PTS: variants seen among roughly 807,000 people sequenced by gnomAD.
The protein encoded by PTS is 6-pyruvoyl tetrahydrobiopterin synthase.
In PTS, 23 loss-of-function variants were observed where a neutral mutation model predicts 20.6. That is an observed-to-expected ratio of 1.12 (90% confidence interval 0.80 to 1.58). PTS has a LOEUF of 1.58. Among genes scored for constraint, PTS ranks in the 40% most tolerant of loss-of-function variants. PTS has a pLI of 0.00. For synonymous variants in PTS, 65 were observed against 62.5 expected (o/e 1.04, Z -0.19); for missense variants, 186 against 182.4 (o/e 1.02, Z -0.11).
chr11:112,233,399 A>G, intron 5 of PTS, 33 bp from the exon 6 acceptor site: 2 of 1,578,504 alleles, frequency 1.3e-6, no homozygotes, highest in African/African-American at 1.4e-5. Flanking sequence ...TTGCATTTTG[A>G]ATTTTTTTTG....
intron 4 of PTS, among the ~76,000 whole-genome samples, chr11:112,231,165 T>C (rs1859926377): frequency 6.6e-6 from 1 of 152,114 alleles, no homozygotes; most frequent in Non-Finnish European, 1.5e-5. Flanking sequence ...CATGAGCTAC[T>C]GCTCCTGGCC....
In PTS at chr11:112,232,928, T is replaced by G. The variant is rs1220755614; in HGVS notation, c.244-235T>G. Among the ~76,000 whole-genome samples, 5 of 152,254 alleles carry G rather than the reference T, an allele frequency of 3.3e-5. No homozygotes were observed. The East Asian group carries it at 9.6e-4, about 29-fold the overall frequency. On this transcript the variant is annotated intron_variant, in intron 4 of 5. Coordinates refer to ENST00000280362, the MANE Select transcript of PTS (RefSeq NM_000317.3). ...CTCCAGGAATTCTCTGCTTTTTGGTTTCTCACCTCTTTTTATTCAGTAACA... is the reference window on the plus strand; with the variant it reads ...CTCCAGGAATTCTCTGCTTTTTGGTGTCTCACCTCTTTTTATTCAGTAACA...
chr11:112,228,694 A>C (rs773808952), intron 2 of PTS, 21 bp downstream of exon 2: 2 of 1,588,358 alleles, frequency 1.3e-6, no homozygotes, highest in African/African-American at 1.3e-5. Context: ...AACTGATGAC[A>C]TTTCAGCCCT....
intron 2 of PTS, 57 bp from the exon 3 acceptor site, chr11:112,230,151 G>T: frequency 6.6e-7 from 1 of 1,523,914 alleles, no homozygotes; most frequent in East Asian, 2.2e-5. Flanking sequence ...CTTGTGCTTG[G>T]ATGTTGATCT....
chr11:112,230,799 T>C, intron 4 of PTS, 117 bp downstream of exon 4: 1 of 916,624 alleles, frequency 1.1e-6, no homozygotes, highest in Non-Finnish European at 1.8e-6. Flanking sequence ...TGAATAGAAC[T>C]GGATGTGGGT....
chr11:112,233,296 ATTG>A, intron 5 of PTS, 63 bp downstream of exon 5: 7 of 1,565,098 alleles, frequency 4.5e-6, no homozygotes, highest in Non-Finnish European at 6.2e-6. Context: ...GAATACTTTG[ATTG>A]TTGTGTGATT....
At position 112,231,376 on chromosome 11, in the gene PTS, G is replaced by A. The variant is rs544413155; in HGVS notation, c.243+694G>A. On this transcript the variant is annotated intron_variant, in intron 4 of 5. Coordinates refer to ENST00000280362, the MANE Select transcript of PTS (RefSeq NM_000317.3). ...AATTCTTGCACTGTAAGAGACTTTGGAGATTATTCAGACCAACTTCTTCAA... is the reference window on the plus strand; with the variant it reads ...AATTCTTGCACTGTAAGAGACTTTGAAGATTATTCAGACCAACTTCTTCAA... Among the ~76,000 whole-genome samples the A allele has an allele frequency of 5.3e-5, 8 of 152,290 alleles. No homozygotes were observed. The East Asian group carries it at 1.5e-3, about 29-fold the overall frequency.
chr11:112,227,076 T>C (rs1456959259), intron 1 of PTS, among the ~76,000 whole-genome samples: 1 of 144,078 alleles, frequency 6.9e-6, no homozygotes, highest in Non-Finnish European at 1.5e-5. Flanking sequence ...AAAAAAAAAA[T>C]GAGCCCAGAC....
chr11:112,229,684 G>T (rs1367896722), intron 2 of PTS, among the ~76,000 whole-genome samples: 1 of 152,122 alleles, frequency 6.6e-6, no homozygotes, highest in East Asian at 1.9e-4. Context: ...GAGCCACCAC[G>T]CCTGGCCAAG....
At position 112,228,569 on chromosome 11, in the gene PTS, GA is replaced by G. The variant is rs1348870746; in HGVS notation, c.84-24del. 3.2e-5 allele frequency: 44 copies of G among 1,386,584 alleles called. No homozygotes were observed. The East Asian group carries it at 9.0e-4, about 28-fold the overall frequency. 85.9% of individuals were successfully genotyped at this position (1,386,584 alleles called of 1,614,324 possible). A position where few individuals can be genotyped will look rare whatever the true frequency, so the allele number is the denominator to read the frequency against. On this transcript the variant is annotated intron_variant, in intron 1 of 5. Transcript: ENST00000280362. ...TTGAATGTGATACTTGTGTCATGCT[GA>G]CTTTTTTTTTTTTTTTTGGTCAGTA...
At position 112,226,456 on chromosome 11, in the gene PTS, G is replaced by C; in HGVS notation, c.13G>C (p.Gly5Arg). Residue 5 changes from glycine to arginine, a missense_variant, in exon 1 of 6, where the codon GGT becomes CGT. Coordinates refer to ENST00000280362, the MANE Select transcript of PTS (RefSeq NM_000317.3). The part of the protein sequence containing the change: MSTE[G>R]GGRRCQAQVS... ...CAGCGCCGGGAAGATGAGCACGGAA[G>C]GTGGTGGCCGTCGCTGCCAGGCACA... The C allele has an allele frequency of 1.3e-6, 2 of 1,580,908 alleles. No homozygotes were observed. The highest frequency in any genetic ancestry group is 1.7e-6 in the Non-Finnish European group (2 of 1,165,624).
At chr11:112,233,373 C>T in intron 5 of PTS, 59 bp from the exon 6 acceptor site, 3 of 1,541,542 alleles carry the variant, frequency 1.9e-6, no homozygotes, top group African/African-American at 1.4e-5. Flanking sequence ...AAATATTAAA[C>T]ATGAAATTTT....
Position 112,233,199 on chromosome 11 carries a change from G to A in PTS, c.280G>A (p.Asp94Asn). ...GCAGCCCCTTGATCATAAGAATCTG[G>A]ATATGGATGTGCCATACTTTGCAGA... ...IMQPLDHKNLDMDVPYFADVV... is the reference protein window; with the variant it reads ...IMQPLDHKNLNMDVPYFADVV... The change falls in exon 5 of 6, where the codon GAT (aspartate) becomes AAT (asparagine). Residue 94 changes from aspartate to asparagine, a missense_variant. Physicochemically the swap from Asp to Asn is conservative, Grantham distance 23. Coordinates refer to ENST00000280362, the MANE Select transcript of PTS (RefSeq NM_000317.3). 6.2e-7 allele frequency: 1 copy of A among 1,614,096 alleles called. No homozygotes were observed. Among genetic ancestry groups the A allele is most frequent in the South Asian group, 1.1e-5 (1 of 91,082 alleles).
chr11:112,229,753 G>A (rs1030823671), intron 2 of PTS, among the ~76,000 whole-genome samples: 6 of 152,196 alleles, frequency 3.9e-5, no homozygotes, highest in African/African-American at 7.2e-5. Flanking sequence ...TTTAGACTTT[G>A]TATACATTCA....
rs546534191 is a variant in PTS at position 112,232,662 on chromosome 11, A to G, written c.244-501A>G. On this transcript the variant is annotated intron_variant, in intron 4 of 5. Coordinates refer to ENST00000280362, the MANE Select transcript of PTS (RefSeq NM_000317.3). ...TTTACATATATATATTTTTCCTTCT[A>G]TGAGCCCAAGATCATTCTTAAATTA... 1.2e-4 allele frequency among the ~76,000 whole-genome samples: 18 copies of G among 152,330 alleles called. 1 individual carries two copies. The highest frequency in any genetic ancestry group is 9.8e-4 in the Admixed American group (15 of 15,294).
intron 3 of PTS, 175 bp from the exon 4 acceptor site, chr11:112,230,451 A>G (rs1859915931): frequency 2.5e-6 from 2 of 796,998 alleles, no homozygotes; most frequent in Admixed American, 3.9e-5. Flanking sequence ...ATACAATGAA[A>G]AGGATGCTTG....
chr11:112,233,548 G>A lies in PTS; in HGVS notation c.431G>A (p.Gly144Glu), dbSNP rs1345088119. ...ETDNNIVVYK[G>E]E ...GACAATAATATTGTGGTTTATAAAG[G>A]AGAATAGCTATTGGGGTTAGCATTG... Residue 144 changes from glycine to glutamate, a missense_variant, in exon 6 of 6, where the codon GGA becomes GAA. Physicochemically the swap from Gly to Glu is moderately conservative, Grantham distance 98 (BLOSUM62 -2). Transcript: ENST00000280362. The A allele has an allele frequency of 6.2e-7, 1 of 1,613,594 alleles. No individual in the cohort carries two copies. The highest frequency in any genetic ancestry group is 8.5e-7 in the Non-Finnish European group (1 of 1,179,824).
At chr11:112,230,265 AT>A in intron 3 of PTS, 35 bp downstream of exon 3, 1 of 1,603,428 alleles carries the variant, frequency 6.2e-7, no homozygotes, top group Non-Finnish European at 8.5e-7. Context: ...GTTTTTGCAG[AT>A]TGCTGGGCTC....
chr11:112,230,473 G>C (rs772268308), intron 3 of PTS, 153 bp from the exon 4 acceptor site: 16 of 808,854 alleles, frequency 2.0e-5, no homozygotes, highest in Non-Finnish European at 2.6e-5. Context: ...AGTACATGGT[G>C]CTTCCATGCT....
Sources: gnomAD v4.1 joint callset for allele counts (sites outside exome capture counted in the v4.1 genomes callset) on GRCh38, gnomAD v4.1.1 for gene constraint, MANE v1.5 for transcripts, NCBI Gene and HGNC (gene_info 2026-07-23, HGNC 2026-07-21) for gene names.